CPA6: variants seen among roughly 807,000 people sequenced by gnomAD.
CPA6 encodes the protein carboxypeptidase A6, also known as carboxypeptidase B.
A neutral mutation model predicts 63.3 loss-of-function variants in CPA6; 58 were observed. The observed-to-expected ratio is 0.92, with a 90% confidence interval of 0.74 to 1.14. CPA6 has a LOEUF of 1.14. Among genes scored for constraint, CPA6 ranks in the 50% most tolerant of loss-of-function variants. The pLI, the probability that CPA6 is intolerant of heterozygous loss-of-function variation, is 0.00. For synonymous variants in CPA6, 185 were observed against 179.0 expected (o/e 1.03, Z -0.27); for missense variants, 565 against 526.6 (o/e 1.07, Z -0.71).
rs182458593 is a variant in CPA6, at chr8:67,530,271, T to C, written c.193-12224A>G. Among the ~76,000 whole-genome samples, 5 of 148,034 alleles carry C rather than the reference T, an allele frequency of 3.4e-5. No individual in the cohort carries two copies. The East Asian group carries it at 8.0e-4, about 24-fold the overall frequency. ...CACATCTGATAAATTAAAAAAATCA[T>C]ACAGATAGAACAGAAAAAGTAGAAG... On this transcript the variant is annotated intron_variant, in intron 2 of 10. Transcript: ENST00000297770.
chr8:67,598,491 G>T (rs989989751), intron 2 of CPA6, among the ~76,000 whole-genome samples: 5 of 151,940 alleles, frequency 3.3e-5, no homozygotes, highest in Admixed American at 6.6e-5. Flanking sequence ...TGGTAATATG[G>T]AAAAACAAAA....
At chr8:67,721,757 G>A (rs1027280382) in intron 1 of CPA6, among the ~76,000 whole-genome samples, 1 of 152,182 alleles carries the variant, frequency 6.6e-6, no homozygotes, top group Non-Finnish European at 1.5e-5. Context: ...TTTGCCTGCT[G>A]TACAGGCAGG....
intron 2 of CPA6, among the ~76,000 whole-genome samples, chr8:67,590,488 T>A (rs1322236090): frequency 6.6e-6 from 1 of 151,614 alleles, no homozygotes; most frequent in African/African-American, 2.4e-5. Context: ...ATGGTTGAAC[T>A]AGTTTACGGT....
At chr8:67,644,481 A>G (rs1474573018) in intron 1 of CPA6, among the ~76,000 whole-genome samples, 1 of 152,202 alleles carries the variant, frequency 6.6e-6, no homozygotes, top group Non-Finnish European at 1.5e-5. Flanking sequence ...GTGAGCTTGC[A>G]TAACCCCAAA....
chr8:67,509,251 G>C (rs1447281450), intron 5 of CPA6, among the ~76,000 whole-genome samples: 1 of 152,116 alleles, frequency 6.6e-6, no homozygotes, highest in Non-Finnish European at 1.5e-5. Context: ...AAATAGTTTT[G>C]CATTGGTTCA....
At chr8:67,738,710 T>C (rs1380367708) in intron 1 of CPA6, among the ~76,000 whole-genome samples, 1 of 152,202 alleles carries the variant, frequency 6.6e-6, no homozygotes, top group South Asian at 2.1e-4. Context: ...AATAATCTTT[T>C]AGGAAATTTA....
At chr8:67,474,786 G>A (rs1811137947) in intron 8 of CPA6, among the ~76,000 whole-genome samples, 1 of 152,044 alleles carries the variant, frequency 6.6e-6, no homozygotes, top group African/African-American at 2.4e-5. Context: ...GACCAGCCTG[G>A]GCAATATAGT....
intron 8 of CPA6, among the ~76,000 whole-genome samples, chr8:67,475,888 T>C (rs1416993645): frequency 3.3e-4 from 17 of 52,232 alleles, no homozygotes; most frequent in African/African-American, 1.3e-3. Context: ...TCTCCTTTCT[T>C]TCTTTCTTTC....
At chr8:67,423,908 G>C (rs1809824906) in intron 10 of CPA6, among the ~76,000 whole-genome samples, 1 of 152,224 alleles carries the variant, frequency 6.6e-6, no homozygotes, top group Non-Finnish European at 1.5e-5. Flanking sequence ...GACTTGGGCT[G>C]CACAGTGGGA....
chr8:67,670,717 G>A (rs1816324962), intron 1 of CPA6, among the ~76,000 whole-genome samples: 1 of 152,140 alleles, frequency 6.6e-6, no homozygotes, highest in Non-Finnish European at 1.5e-5. Flanking sequence ...GGGCCTACTA[G>A]CAGTGGTGTG....
chr8:67,624,283 CT>C, intron 1 of CPA6, 32 bp from the exon 2 acceptor site: 1 of 1,239,678 alleles, frequency 8.1e-7, no homozygotes, highest in African/African-American at 1.5e-5. Context: ...ATGATAATTA[CT>C]TTTCGAAAAT....
intron 2 of CPA6, among the ~76,000 whole-genome samples, chr8:67,589,858 A>G (rs1015521050): frequency 1.3e-5 from 2 of 151,452 alleles, no homozygotes; most frequent in Non-Finnish European, 2.9e-5. Context: ...TTGTGTGTGT[A>G]CTCTGTGTAG....
At position 67,508,100 on chromosome 8, in the gene CPA6, G is replaced by A. The variant is rs536973089; in HGVS notation, c.535-1212C>T. On this transcript the variant is annotated intron_variant, in intron 5 of 10. Coordinates refer to ENST00000297770, the MANE Select transcript of CPA6 (RefSeq NM_020361.5). ...TCATATTGGCAGCAGTGTGGAGGAT[G>A]GATTAGAGCATGAGAGGGTCAAGAA... Among the ~76,000 whole-genome samples, 85 of 151,474 alleles carry A rather than the reference G, an allele frequency of 5.6e-4. No individual in the cohort carries two copies. The South Asian group carries it at 0.016, about 28-fold the overall frequency.
intron 1 of CPA6, among the ~76,000 whole-genome samples, chr8:67,686,048 A>G (rs185159052): frequency 7.9e-5 from 12 of 152,338 alleles, no homozygotes; most frequent in African/African-American, 2.6e-4. Flanking sequence ...CATCATAGAT[A>G]GGGCCTATGT....
chr8:67,527,495 C>A (rs759765161), intron 2 of CPA6, among the ~76,000 whole-genome samples: 1 of 152,146 alleles, frequency 6.6e-6, no homozygotes, highest in Non-Finnish European at 1.5e-5. Context: ...CATCTCAGAG[C>A]CTTAATTTTC....
At chr8:67,455,663 C>CAACAAAAAA (rs1810656232) in intron 8 of CPA6, among the ~76,000 whole-genome samples, 2 of 30,250 alleles carry the variant, frequency 6.6e-5, no homozygotes, top group African/African-American at 1.6e-4. Flanking sequence ...TCTACAAAAG[C>CAACAAAAAA]AAAAAAAAAA....
At chr8:67,523,255 G>A (rs1204734336) in intron 2 of CPA6, among the ~76,000 whole-genome samples, 3 of 152,164 alleles carry the variant, frequency 2.0e-5, no homozygotes, top group South Asian at 2.1e-4. Flanking sequence ...TGGGCTGGCC[G>A]TGGTGGCTCA....
At chr8:67,723,091 AAT>A (rs1451551159) in intron 1 of CPA6, among the ~76,000 whole-genome samples, 1 of 152,126 alleles carries the variant, frequency 6.6e-6, no homozygotes, top group Non-Finnish European at 1.5e-5. Flanking sequence ...CCTCTAGTTC[AAT>A]ATATGCCATA....
In CPA6 at chr8:67,532,024, C is replaced by T. The variant is rs567999706; in HGVS notation, c.193-13977G>A. On this transcript the variant is annotated intron_variant, in intron 2 of 10. Transcript: ENST00000297770. Reference sequence around the variant, plus strand: ...ACATTTCAAAGAGAGACATTCCTGACCTTAAATGCTGCAAAAGGGTAAATA... The same window carrying T: ...ACATTTCAAAGAGAGACATTCCTGATCTTAAATGCTGCAAAAGGGTAAATA... Among the ~76,000 whole-genome samples the T allele has an allele frequency of 3.5e-4, 53 of 152,104 alleles. No homozygotes were observed. The South Asian group carries it at 7.5e-3, about 21-fold the overall frequency.
Sources: allele counts gnomAD v4.1 joint callset (sites outside exome capture counted in the v4.1 genomes callset), GRCh38; gene constraint gnomAD v4.1.1; transcripts MANE v1.5; gene names NCBI Gene and HGNC (gene_info 2026-07-23, HGNC 2026-07-21).